GRIN2B: variants seen among roughly 807,000 people sequenced by gnomAD.
The protein encoded by GRIN2B is glutamate receptor ionotropic, NMDA 2B.
A neutral mutation model predicts 114.5 loss-of-function variants in GRIN2B; 5 were observed. The ratio of observed to expected loss-of-function variants is 0.04; its 90% confidence interval spans 0.02 to 0.09. GRIN2B has a LOEUF of 0.09. Ranked by LOEUF, GRIN2B falls within the 10% of genes least tolerant of loss-of-function variation. The pLI, the probability that GRIN2B is intolerant of heterozygous loss-of-function variation, is 1.00. For missense variants in GRIN2B, 1,108 were observed against 1,943.5 expected (o/e 0.57, Z 8.08); for synonymous variants, 787 against 745.1 (o/e 1.06, Z -0.92).
chr12:13,635,610 A>G (rs1949659980), intron 5 of GRIN2B, among the ~76,000 whole-genome samples: 1 of 152,196 alleles, frequency 6.6e-6, no homozygotes, highest in Non-Finnish European at 1.5e-5. Context: ...GGTAGAGTAC[A>G]AGCACAGAAG....
At chr12:13,881,386 T>C (rs1591600682) in intron 2 of GRIN2B, among the ~76,000 whole-genome samples, 1 of 152,190 alleles carries the variant, frequency 6.6e-6, no homozygotes, top group Non-Finnish European at 1.5e-5. Flanking sequence ...CCATTCTCTC[T>C]TGTTCTTCAT....
chr12:13,923,424 A>G (rs533632675), intron 2 of GRIN2B, among the ~76,000 whole-genome samples: 87 of 152,364 alleles, frequency 5.7e-4, no homozygotes, highest in Admixed American at 2.1e-3. Context: ...TGAAATTGCA[A>G]TGAGATGAGG....
At chr12:13,870,001 T>G (rs1002394092) in intron 2 of GRIN2B, among the ~76,000 whole-genome samples, 2 of 152,186 alleles carry the variant, frequency 1.3e-5, no homozygotes, top group African/African-American at 4.8e-5. Flanking sequence ...ACGTTTAAGC[T>G]TCTATAGAAG....
chr12:13,783,011 C>G (rs1010333279), intron 3 of GRIN2B, among the ~76,000 whole-genome samples: 1 of 152,070 alleles, frequency 6.6e-6, no homozygotes, highest in East Asian at 1.9e-4. Context: ...TCCTTCCCCC[C>G]AAAAAACCTA....
intron 5 of GRIN2B, among the ~76,000 whole-genome samples, chr12:13,651,347 G>A (rs946552836): frequency 2.6e-5 from 4 of 152,030 alleles, no homozygotes; most frequent in Non-Finnish European, 4.4e-5. Flanking sequence ...GTAGACAGCG[G>A]GGCCTCCAAC....
intron 4 of GRIN2B, among the ~76,000 whole-genome samples, chr12:13,681,644 G>A (rs1950132478): frequency 6.6e-6 from 1 of 152,054 alleles, no homozygotes; most frequent in South Asian, 2.1e-4. Flanking sequence ...GCTACAGGGA[G>A]GATCCTTTGA....
intron 5 of GRIN2B, among the ~76,000 whole-genome samples, chr12:13,624,583 GA>G (rs1163108785): frequency 6.6e-6 from 1 of 152,198 alleles, no homozygotes; most frequent in African/African-American, 2.4e-5. Flanking sequence ...AGTGTGCTTG[GA>G]AATAATTTCC....
At chr12:13,707,114 G>A (rs570440304) in intron 4 of GRIN2B, among the ~76,000 whole-genome samples, 14 of 152,228 alleles carry the variant, frequency 9.2e-5, no homozygotes, top group African/African-American at 3.4e-4. Flanking sequence ...TAATTAAAGT[G>A]AAAATCTCAC....
chr12:13,637,014 T>C lies in GRIN2B; in HGVS notation c.1126-20357A>G, dbSNP rs142938448. On this transcript the variant is annotated intron_variant, in intron 5 of 13. Coordinates refer to ENST00000609686, the MANE Select transcript of GRIN2B (RefSeq NM_000834.5). ...TCACAGAGAAAATCAAGAGTTTGTA[T>C]TGGGACAAGGTAAGTTTGAGATTCC... 1.9e-3 allele frequency among the ~76,000 whole-genome samples: 293 copies of C among 152,222 alleles called. 3 individuals are homozygous for C. Among genetic ancestry groups the C allele is most frequent in the African/African-American group, 6.7e-3 (277 of 41,556 alleles).
intron 2 of GRIN2B, among the ~76,000 whole-genome samples, chr12:13,949,081 C>T (rs1031504104): frequency 1.3e-5 from 2 of 152,164 alleles, no homozygotes; most frequent in African/African-American, 4.8e-5. Flanking sequence ...GCAGAATTAT[C>T]TGTGTGGTTG....
At chr12:13,959,269 G>A (rs1163441336) in intron 2 of GRIN2B, among the ~76,000 whole-genome samples, 3 of 152,184 alleles carry the variant, frequency 2.0e-5, no homozygotes, top group African/African-American at 7.2e-5. Flanking sequence ...GAGACAGACA[G>A]GGAGGAGTTC....
intron 3 of GRIN2B, among the ~76,000 whole-genome samples, chr12:13,829,365 A>G (rs1471530900): frequency 6.6e-6 from 1 of 152,166 alleles, no homozygotes; most frequent in African/African-American, 2.4e-5. Flanking sequence ...GTCTGCATAT[A>G]CTAGGTACTC....
At chr12:13,900,677 G>A (rs889038077) in intron 2 of GRIN2B, among the ~76,000 whole-genome samples, 10 of 151,968 alleles carry the variant, frequency 6.6e-5, no homozygotes, top group Admixed American at 4.6e-4. Flanking sequence ...TATTATCATC[G>A]TATTCTTCCT....
intron 3 of GRIN2B, among the ~76,000 whole-genome samples, chr12:13,862,487 G>A (rs899723713): frequency 1.3e-5 from 2 of 152,152 alleles, no homozygotes; most frequent in African/African-American, 2.4e-5. Context: ...TCCTTCAGAC[G>A]ATTACTATGA....
At chr12:13,713,122 A>C (rs1468283328) in intron 4 of GRIN2B, among the ~76,000 whole-genome samples, 2 of 151,908 alleles carry the variant, frequency 1.3e-5, no homozygotes, top group Admixed American at 1.3e-4. Context: ...ATACACAATC[A>C]ACAAGACATG....
chr12:13,944,534 A>C (rs371937972), intron 2 of GRIN2B, among the ~76,000 whole-genome samples: 1 of 152,214 alleles, frequency 6.6e-6, no homozygotes, highest in Non-Finnish European at 1.5e-5. Flanking sequence ...GATGCCTTTG[A>C]GAAAAATGGT....
chr12:13,778,066 A>T (rs1366488031), intron 3 of GRIN2B, among the ~76,000 whole-genome samples: 5 of 152,212 alleles, frequency 3.3e-5, no homozygotes. Context: ...ACTTGGGTAG[A>T]CCCAGGGAAA....
At chr12:13,684,607 C>T (rs1242757184) in intron 4 of GRIN2B, among the ~76,000 whole-genome samples, 3 of 152,156 alleles carry the variant, frequency 2.0e-5, no homozygotes, top group Non-Finnish European at 2.9e-5. Flanking sequence ...AACCAAGTAG[C>T]TTTTCTGCAT....
Position 13,926,027 on chromosome 12 carries a change from G to A in GRIN2B, c.-19+53901C>T, listed in dbSNP as rs142065032. On this transcript the variant is annotated intron_variant, in intron 2 of 13. Transcript: ENST00000609686. ...TGACAATCAGAGGAGGCAATGGAAC[G>A]GGGCAAGAATATGCCAGATCTGAAG... Among the ~76,000 whole-genome samples, 297 of 152,176 alleles carry A rather than the reference G, an allele frequency of 2.0e-3. 2 individuals carry two copies. The highest frequency in any genetic ancestry group is 6.8e-3 in the Middle Eastern group (2 of 294).
Sources: gnomAD v4.1 joint callset for allele counts (sites outside exome capture counted in the v4.1 genomes callset) on GRCh38, gnomAD v4.1.1 for gene constraint, MANE v1.5 for transcripts, NCBI Gene and HGNC (gene_info 2026-07-23, HGNC 2026-07-21) for gene names.